Variants in SLC8B1 observed in about 807,000 individuals in gnomAD.
SLC8B1 encodes the protein mitochondrial sodium/calcium exchanger protein.
A neutral mutation model predicts 63.4 loss-of-function variants in SLC8B1; 52 were observed. The ratio of observed to expected loss-of-function variants is 0.82; its 90% CI spans 0.66 to 1.03. The LOEUF is 1.03. Among genes scored for constraint, SLC8B1 ranks in the 50% least tolerant of loss-of-function variants. The pLI is 0.00. For synonymous variants in SLC8B1, 336 were observed against 323.9 expected (o/e 1.04, Z -0.40); for missense variants, 657 against 741.7 (o/e 0.89, Z 1.33).
chr12:113,327,973 C>T (rs144718236), intron 2 of SLC8B1, among the ~76,000 whole-genome samples: 1,618 of 131,388 alleles, frequency 0.012, 31 homozygotes, highest in African/African-American at 0.046. Context: ...AGCGAAACTA[C>T]GTCTCCAAAA....
At chr12:113,301,989 C>T (rs1029625487) in intron 15 of SLC8B1, among the ~76,000 whole-genome samples, 14 of 152,088 alleles carry the variant, frequency 9.2e-5, no homozygotes, top group African/African-American at 2.9e-4. Context: ...GGCTCCTCTG[C>T]GGGAGGAGGA....
At position 113,315,325 on chromosome 12, in the gene SLC8B1, G is replaced by T; in HGVS notation, c.1135+10C>A. On this transcript the variant is annotated intron_variant, in intron 11 of 15. Transcript: ENST00000680972. ...GGAAGGTGGGTTGGCCCGGGGTAGG[G>T]GATACTCACAGGTCCCCGACTGCAG... 6.6e-7 allele frequency: 1 copy of T among 1,523,704 alleles called. No homozygotes were observed. Among genetic ancestry groups the T allele is most frequent in the Non-Finnish European group, 8.8e-7 (1 of 1,131,168 alleles). The allele number at this position is 1,523,704 out of a possible 1,614,324, so 94.4% of individuals were successfully genotyped here.
rs1566239658 is a variant in SLC8B1 at position 113,321,179 on chromosome 12, C to T, written c.309+17G>A. The T allele has an allele frequency of 6.2e-6, 10 of 1,613,926 alleles. No individual in the cohort carries two copies. Among genetic ancestry groups the T allele is most frequent in the African/African-American group, 1.3e-5 (1 of 74,932 alleles). ...GACACCAGCCCCTCTCACCAGCCCC[C>T]CAGGGCAGGGCCTCACGTAGAGAGT... On this transcript the variant is annotated intron_variant, in intron 3 of 15. Transcript: ENST00000680972.
chr12:113,320,973 C>A lies in SLC8B1; in HGVS notation c.363-66G>T, dbSNP rs900360975. ...CGGCCCCGGACCCCTATCCTTCCCC[C>A]AAACTGAGGGTGACCGAATGTCAGC... On this transcript the variant is annotated intron_variant, in intron 4 of 15. Transcript: ENST00000680972. The surrounding 1 kb of genome is among the most constrained non-coding windows in gnomAD (Gnocchi z 5.3). 15 of 1,590,576 alleles carry A rather than the reference C, an allele frequency of 9.4e-6. No individual in the cohort carries two copies. Among genetic ancestry groups the A allele is most frequent in the Admixed American group, 1.9e-5 (1 of 53,896 alleles).
Position 113,305,395 on chromosome 12 carries a change from C to T in SLC8B1, c.1493-1010G>A, listed in dbSNP as rs560719881. Reference sequence around the variant, plus strand: ...GCAGCCCCTGGTGAGGCTCTGTCATCGTGGAGCCTGGAGAGAGCGGCCCTT... The same window carrying T: ...GCAGCCCCTGGTGAGGCTCTGTCATTGTGGAGCCTGGAGAGAGCGGCCCTT... On this transcript the variant is annotated intron_variant, in intron 14 of 15. Transcript: ENST00000680972. The surrounding 1 kb of genome is among the most constrained non-coding windows in gnomAD (Gnocchi z 4.3). Among the ~76,000 whole-genome samples the T allele has an allele frequency of 3.3e-5, 5 of 152,364 alleles. No individual in the cohort carries two copies. Among genetic ancestry groups the T allele is most frequent in the Admixed American group, 6.5e-5 (1 of 15,300 alleles).
Position 113,299,720 on chromosome 12 carries a change from C to G in SLC8B1, c.*57G>C. 1 of 1,560,526 alleles carries G rather than the reference C, an allele frequency of 6.4e-7. No homozygotes were observed. Among genetic ancestry groups the G allele is most frequent in the African/African-American group, 1.4e-5 (1 of 73,858 alleles). Reference sequence around the variant, plus strand: ...AATGCTCCGGTCCCTGGGCCTCCCCCGGCAGGAGGGGCGGGGCTCCTGCCT... The same window carrying G: ...AATGCTCCGGTCCCTGGGCCTCCCCGGGCAGGAGGGGCGGGGCTCCTGCCT... On this transcript the variant is annotated 3_prime_UTR_variant, in exon 16 of 16. Coordinates refer to ENST00000680972, the MANE Select transcript of SLC8B1 (RefSeq NM_001358345.2).
Position 113,329,149 on chromosome 12 carries a change from G to A in SLC8B1, c.156+3574C>T, listed in dbSNP as rs1957029475. Among the ~76,000 whole-genome samples the A allele has an allele frequency of 2.0e-5, 3 of 152,292 alleles. No homozygotes were observed. In the South Asian group the frequency reaches 6.2e-4, roughly 32 times the overall value. ...TAACAGTTGTGCTGCACACCGTGCTGGGCATCATCTCACCCATTCAGTCTT... is the reference window on the plus strand; with the variant it reads ...TAACAGTTGTGCTGCACACCGTGCTAGGCATCATCTCACCCATTCAGTCTT... On this transcript the variant is annotated intron_variant, in intron 2 of 15. Coordinates refer to ENST00000680972, the MANE Select transcript of SLC8B1 (RefSeq NM_001358345.2).
chr12:113,312,456 G>C (rs1956777699), intron 11 of SLC8B1, among the ~76,000 whole-genome samples: 1 of 152,132 alleles, frequency 6.6e-6, no homozygotes, highest in South Asian at 2.1e-4. Flanking sequence ...AGGTCTTTGA[G>C]TGGGGGAGTG....
intron 10 of SLC8B1, 81 bp from the exon 11 acceptor site, chr12:113,315,557 A>G: frequency 6.9e-7 from 1 of 1,442,118 alleles, no homozygotes; most frequent in Non-Finnish European, 9.2e-7. Flanking sequence ...CAGTGACTCA[A>G]GAGCTCGGCC....
chr12:113,316,644 C>G lies in SLC8B1; in HGVS notation c.875G>C (p.Arg292Pro). The change falls in exon 10 of 16, where the codon CGG (arginine) becomes CCG (proline). Residue 292 changes from arginine (R) to proline (P), a missense_variant. Physicochemically the swap from Arg to Pro is moderately radical, Grantham distance 103. Transcript: ENST00000680972. ...GGTCTCCTGGTAGAAGAACAGCGGC[C>G]GGTACTCATCACCTGTGTGCAGGGG... is the stretch of plus-strand genomic sequence containing the variant. ...TNSYDYGDEY[R>P]PLFFYQETTA... is the part of the protein sequence containing the mutation. 1 of 1,613,534 alleles carries G rather than the reference C, an allele frequency of 6.2e-7. No homozygotes were observed. Among genetic ancestry groups the G allele is most frequent in the East Asian group, 2.2e-5 (1 of 44,882 alleles).
Position 113,320,234 on chromosome 12 carries a change from C to T in SLC8B1, c.694+97G>A, listed in dbSNP as rs1302620097. 6.3e-5 allele frequency: 89 copies of T among 1,407,218 alleles called. No homozygotes were observed. The highest frequency in any genetic ancestry group is 7.6e-5 in the Non-Finnish European group (79 of 1,037,316). 87.2% of individuals were successfully genotyped at this position (1,407,218 alleles called of 1,614,324 possible). The stretch of plus-strand genomic sequence containing the variant: ...GTCACTTGTAATCAAATCAAAGCCC[C>T]CACTGACCACCCCTCACACCTCTCT... On this transcript the variant is annotated intron_variant, in intron 7 of 15. Coordinates refer to ENST00000680972, the MANE Select transcript of SLC8B1 (RefSeq NM_001358345.2). This position sits in a 1 kb window ranked among gnomAD's most constrained non-coding sequence, Gnocchi z 5.3.
At chr12:113,312,588 G>C (rs1279166801) in intron 11 of SLC8B1, among the ~76,000 whole-genome samples, 1 of 152,190 alleles carries the variant, frequency 6.6e-6, no homozygotes, top group Non-Finnish European at 1.5e-5. Context: ...CTTCAGGCTG[G>C]GAGCCAGTCC....
In SLC8B1 at chr12:113,324,568, G is replaced by A. The variant is rs181237043; in HGVS notation, c.157-3220C>T. The stretch of plus-strand genomic sequence containing the variant: ...ACTACAGGTGCCCACCGACACGCCC[G>A]GCTAAGTTTTGTATTTTTAGTAGAA... On this transcript the variant is annotated intron_variant, in intron 2 of 15. Transcript: ENST00000680972. 3.0e-4 allele frequency among the ~76,000 whole-genome samples: 46 copies of A among 151,596 alleles called. No individual in the cohort carries two copies. In the East Asian group the frequency reaches 8.0e-3, roughly 26 times the overall value.
In SLC8B1 at chr12:113,302,372, G is replaced by A. The variant is rs559572102; in HGVS notation, c.1557+1949C>T. 6 of 265,588 alleles carry A rather than the reference G, an allele frequency of 2.3e-5. No individual in the cohort carries two copies. The East Asian group carries it at 6.1e-4, about 27-fold the overall frequency. 16.5% of individuals were successfully genotyped at this position (265,588 alleles called of 1,614,324 possible). A position where few individuals can be genotyped will look rare whatever the true frequency, so the allele number is the denominator to read the frequency against. The stretch of plus-strand genomic sequence containing the variant: ...GATCCTCCTCTGGAGCTTGGAGGTG[G>A]CACTGCCCGGCTGATGCCCTGATTG... On this transcript the variant is annotated intron_variant, in intron 15 of 15. Coordinates refer to ENST00000680972, the MANE Select transcript of SLC8B1 (RefSeq NM_001358345.2).
chr12:113,315,940 G>A (rs1336284317), intron 10 of SLC8B1, among the ~76,000 whole-genome samples: 1 of 152,176 alleles, frequency 6.6e-6, no homozygotes, highest in Non-Finnish European at 1.5e-5. Context: ...GATCTTTAAT[G>A]ATGGCTGGAT....
chr12:113,301,708 G>A (rs1488987635), intron 15 of SLC8B1, among the ~76,000 whole-genome samples: 2 of 152,132 alleles, frequency 1.3e-5, no homozygotes, highest in African/African-American at 2.4e-5. Flanking sequence ...GGCATTGTGC[G>A]AAGGGCCTAA....
chr12:113,325,658 A>G (rs935404907), intron 2 of SLC8B1, among the ~76,000 whole-genome samples: 2 of 146,186 alleles, frequency 1.4e-5, no homozygotes, highest in Non-Finnish European at 3.0e-5. Flanking sequence ...TCCGCCTCCC[A>G]GGTTCACACC....
rs948267648 is a variant in SLC8B1 at position 113,301,007 on chromosome 12, A to G, written c.1558-1033T>C. On this transcript the variant is annotated intron_variant, in intron 15 of 15. Coordinates refer to ENST00000680972, the MANE Select transcript of SLC8B1 (RefSeq NM_001358345.2). ...CAAAATTAGCCAGGTGTGGTAGCAC[A>G]TGCCTGTAATCCCAGCTACTCGGGA... Among the ~76,000 whole-genome samples, 14 of 152,090 alleles carry G rather than the reference A, an allele frequency of 9.2e-5. No homozygotes were observed. The South Asian group carries it at 2.7e-3, about 29-fold the overall frequency.
intron 8 of SLC8B1, among the ~76,000 whole-genome samples, chr12:113,318,544 T>C (rs1359689849): frequency 6.6e-6 from 1 of 152,014 alleles, no homozygotes; most frequent in Admixed American, 6.6e-5. Context: ...TATGTGTGAG[T>C]TGTGTATTTG....
Sources: gnomAD v4.1 joint callset for allele counts (sites outside exome capture counted in the v4.1 genomes callset) on GRCh38, gnomAD v4.1.1 for gene constraint, Gnocchi (gnomAD v3.1) non-coding constraint, MANE v1.5 for transcripts, NCBI Gene and HGNC (gene_info 2026-07-23, HGNC 2026-07-21) for gene names.